Variants in RBFOX1 observed in about 807,000 individuals in gnomAD.
RBFOX1 encodes RNA binding fox-1 homolog 1, also known as RNA binding protein fox-1 homolog 1.
A neutral mutation model predicts 57.7 loss-of-function variants in RBFOX1; 8 were observed. The ratio of observed to expected loss-of-function variants is 0.14; its 90% CI spans 0.08 to 0.25. The LOEUF (loss-of-function observed/expected upper bound fraction) is 0.25, where lower values mean the gene tolerates loss of function less well. Ranked by LOEUF, RBFOX1 falls within the 10% of genes least tolerant of loss-of-function variation. RBFOX1 has a pLI of 1.00. For missense variants in RBFOX1, 611 were observed against 548.5 expected (o/e 1.11, Z -1.14); for synonymous variants, 326 against 222.4 (o/e 1.47, Z -4.15).
At chr16:5,883,019 A>C (rs1246113799) in intron 4 of RBFOX1, among the ~76,000 whole-genome samples, 1 of 152,214 alleles carries the variant, frequency 6.6e-6, no homozygotes, top group Non-Finnish European at 1.5e-5. Flanking sequence ...TAAATGATCC[A>C]GACCCTGCTC....
chr16:6,426,348 A>T (rs1459348848), intron 2 of RBFOX1, among the ~76,000 whole-genome samples: 6 of 152,218 alleles, frequency 3.9e-5, no homozygotes, highest in African/African-American at 1.4e-4. Context: ...AAATGAAAGT[A>T]AGAGAAAAAG....
intron 2 of RBFOX1, among the ~76,000 whole-genome samples, chr16:6,641,593 G>A (rs1313116144): frequency 6.6e-6 from 1 of 151,942 alleles, no homozygotes; most frequent in South Asian, 2.1e-4. Context: ...AAGTTAGCTG[G>A]GTGTGATGGT....
chr16:5,896,992 C>G lies in RBFOX1; in HGVS notation c.351+29657C>G, dbSNP rs867390739. Among the ~76,000 whole-genome samples the G allele has an allele frequency of 1.3e-4, 20 of 148,162 alleles. 1 individual carries two copies. Among genetic ancestry groups the G allele is most frequent in the African/African-American group, 4.5e-4 (18 of 39,686 alleles). On this transcript the variant is annotated intron_variant, in intron 4 of 19. Coordinates refer to the RBFOX1 transcript ENST00000641259. ...TTTTAAAATCATAAGGCTCTCCACCCCCCACTAAAAATGTATCCATCCGCT... is the reference window on the plus strand; with the variant it reads ...TTTTAAAATCATAAGGCTCTCCACCGCCCACTAAAAATGTATCCATCCGCT...
chr16:6,226,388 A>AAAC (rs1389353833), intron 1 of RBFOX1, among the ~76,000 whole-genome samples: 1 of 151,100 alleles, frequency 6.6e-6, no homozygotes, highest in Non-Finnish European at 1.5e-5. Context: ...AAAAAAAAAA[A>AAAC]AAACAAAAAA....
chr16:6,401,986 C>T (rs915190384), intron 2 of RBFOX1, among the ~76,000 whole-genome samples: 1 of 151,672 alleles, frequency 6.6e-6, no homozygotes, highest in African/African-American at 2.4e-5. Context: ...CTGAGCCAGA[C>T]CAGCTAACTG....
intron 4 of RBFOX1, among the ~76,000 whole-genome samples, chr16:5,914,742 A>G (rs1344616038): frequency 6.6e-6 from 1 of 152,094 alleles, no homozygotes; most frequent in African/African-American, 2.4e-5. Context: ...TAAAAATACA[A>G]AAAAATAGCG....
At chr16:5,351,683 G>A (rs957698161) in intron 1 of RBFOX1, among the ~76,000 whole-genome samples, 5 of 152,168 alleles carry the variant, frequency 3.3e-5, no homozygotes, top group South Asian at 4.1e-4. Context: ...TAACTAGAGC[G>A]GTCAAGGGAG....
At chr16:6,116,747 G>A (rs763241316) in intron 1 of RBFOX1, among the ~76,000 whole-genome samples, 2 of 152,186 alleles carry the variant, frequency 1.3e-5, no homozygotes. Flanking sequence ...TACCTCAGCT[G>A]ATAGGGGAGA....
chr16:6,962,482 T>C (rs2083231384), intron 3 of RBFOX1, among the ~76,000 whole-genome samples: 1 of 152,200 alleles, frequency 6.6e-6, no homozygotes, highest in Non-Finnish European at 1.5e-5. Context: ...TGGTTTAATA[T>C]AGCCGCAGTG....
chr16:7,451,256 A>G (rs2098851009), intron 4 of RBFOX1, among the ~76,000 whole-genome samples: 1 of 152,186 alleles, frequency 6.6e-6, no homozygotes, highest in African/African-American at 2.4e-5. Context: ...CAGTTCTATG[A>G]GCTTTTGCTA....
chr16:5,330,900 T>C (rs1439168943), intron 1 of RBFOX1, among the ~76,000 whole-genome samples: 1 of 152,110 alleles, frequency 6.6e-6, no homozygotes, highest in African/African-American at 2.4e-5. Context: ...TCAGGTTTTT[T>C]TGTTTGTTTG....
At chr16:5,628,107 A>T (rs952473791) in intron 3 of RBFOX1, among the ~76,000 whole-genome samples, 1 of 152,200 alleles carries the variant, frequency 6.6e-6, no homozygotes, top group African/African-American at 2.4e-5. Flanking sequence ...CCCAATTAGT[A>T]AAAATGTTGT....
At chr16:7,269,536 C>G (rs967938451) in intron 4 of RBFOX1, among the ~76,000 whole-genome samples, 1 of 151,992 alleles carries the variant, frequency 6.6e-6, no homozygotes, top group Non-Finnish European at 1.5e-5. Flanking sequence ...TAGAATTTAT[C>G]GTATAATTTT....
chr16:7,428,669 C>G (rs2098648045), intron 4 of RBFOX1, among the ~76,000 whole-genome samples: 2 of 151,728 alleles, frequency 1.3e-5, no homozygotes, highest in South Asian at 4.2e-4. Context: ...CTGCACCTGA[C>G]CAGAGAATTA....
intron 4 of RBFOX1, among the ~76,000 whole-genome samples, chr16:7,213,177 A>T (rs577911424): frequency 4.6e-4 from 70 of 152,306 alleles, no homozygotes; most frequent in African/African-American, 1.6e-3. Flanking sequence ...CACTGTCAGG[A>T]TCAGGAGAAA....
At chr16:7,194,369 A>C (rs2086167852) in intron 4 of RBFOX1, among the ~76,000 whole-genome samples, 3 of 152,220 alleles carry the variant, frequency 2.0e-5, no homozygotes, top group Admixed American at 2.0e-4. Flanking sequence ...AATGCATTTC[A>C]ATTTAAACAA....
chr16:6,000,300 G>T (rs1323198365), intron 4 of RBFOX1, among the ~76,000 whole-genome samples: 2 of 152,150 alleles, frequency 1.3e-5, no homozygotes, highest in Non-Finnish European at 2.9e-5. Flanking sequence ...TTGGACTTGG[G>T]TTATGAAGTC....
chr16:7,459,377 G>A (rs1478004516), intron 4 of RBFOX1, among the ~76,000 whole-genome samples: 1 of 152,182 alleles, frequency 6.6e-6, no homozygotes, highest in Admixed American at 6.5e-5. Flanking sequence ...TTGTACAAAA[G>A]TATGTTTGGT....
intron 4 of RBFOX1, among the ~76,000 whole-genome samples, chr16:5,988,076 GC>G (rs2060317114): frequency 6.6e-6 from 1 of 152,136 alleles, no homozygotes; most frequent in Admixed American, 6.5e-5. Flanking sequence ...ACATACATGT[GC>G]TCCCGACATC....
Sources: gnomAD v4.1 joint callset for allele counts (sites outside exome capture counted in the v4.1 genomes callset) on GRCh38, gnomAD v4.1.1 for gene constraint, MANE v1.5 for transcripts, NCBI Gene and HGNC (gene_info 2026-07-23, HGNC 2026-07-21) for gene names.